Variants in IL1RAPL1 observed in about 807,000 individuals in gnomAD.
The protein encoded by IL1RAPL1 is interleukin 1 receptor accessory protein like 1, also known as interleukin-1 receptor accessory protein-like 1.
Under a neutral mutation model 48.4 loss-of-function variants are expected in IL1RAPL1, and 3 were observed. The observed-to-expected ratio is 0.06, with a 90% CI of 0.03 to 0.16. The LOEUF is 0.16. Ranked by LOEUF, IL1RAPL1 falls within the 10% of genes least tolerant of loss-of-function variation. IL1RAPL1 has a pLI of 1.00. For synonymous variants in IL1RAPL1, 185 were observed against 187.7 expected, an observed-to-expected ratio of 0.99 and a Z score of 0.12; for missense variants, 349 against 530.6, an observed-to-expected ratio of 0.66 and a Z score of 3.36.
At chrX:29,025,336 T>C (rs769638012) in intron 2 of IL1RAPL1, among the ~76,000 whole-genome samples, 1 of 111,730 alleles carries the variant, frequency 9.0e-6, no homozygotes, top group South Asian at 3.8e-4. Flanking sequence ...GTTGAGTCAA[T>C]AGCCTTGATT....
At chrX:29,583,745 G>C (rs1427934306) in intron 5 of IL1RAPL1, among the ~76,000 whole-genome samples, 1 of 101,393 alleles carries the variant, frequency 9.9e-6, no homozygotes, top group Non-Finnish European at 2.0e-5. Context: ...AACCAAAAAA[G>C]AGCCCGCATC....
At chrX:29,360,907 T>A (rs998598691) in intron 3 of IL1RAPL1, among the ~76,000 whole-genome samples, 36 of 112,102 alleles carry the variant, frequency 3.2e-4, no homozygotes, top group African/African-American at 1.2e-3. Flanking sequence ...ATGCTCAAAT[T>A]CTGATACATC....
chrX:29,217,777 TCACACACACACA>T (rs750727005), intron 2 of IL1RAPL1, among the ~76,000 whole-genome samples: 1 of 60,662 alleles, frequency 1.6e-5, no homozygotes, highest in East Asian at 7.9e-4. Context: ...TCTCTCTCTC[TCACACACACACA>T]CACACACACA....
intron 1 of IL1RAPL1, among the ~76,000 whole-genome samples, chrX:28,700,245 A>G (rs1569154139): frequency 9.0e-6 from 1 of 111,124 alleles, no homozygotes; most frequent in Non-Finnish European, 1.9e-5. Context: ...ATGATGTTCT[A>G]TAAGCTGAGA....
At chrX:29,386,173 C>T (rs1268323838) in intron 3 of IL1RAPL1, among the ~76,000 whole-genome samples, 4 of 111,117 alleles carry the variant, frequency 3.6e-5, no homozygotes, top group Non-Finnish European at 7.5e-5. Flanking sequence ...GGATTACAGG[C>T]GCCCACCACC....
chrX:29,134,123 A>G (rs1202939165), intron 2 of IL1RAPL1, among the ~76,000 whole-genome samples: 12 of 111,630 alleles, frequency 1.1e-4, no homozygotes. Flanking sequence ...GGTCGTTTCC[A>G]CCTTTTGGAA....
At chrX:28,943,804 G>A (rs959721372) in intron 2 of IL1RAPL1, among the ~76,000 whole-genome samples, 1 of 110,702 alleles carries the variant, frequency 9.0e-6, no homozygotes, top group Non-Finnish European at 1.9e-5. Context: ...TGAAATGCTG[G>A]TTTATCTTCC....
chrX:29,117,619 C>T (rs1225168460), intron 2 of IL1RAPL1, among the ~76,000 whole-genome samples: 1 of 111,740 alleles, frequency 8.9e-6, no homozygotes, highest in Non-Finnish European at 1.9e-5. Context: ...TTGACATTTA[C>T]CATTTTAAAG....
chrX:29,356,978 G>A (rs2147656776), intron 3 of IL1RAPL1, among the ~76,000 whole-genome samples: 1 of 111,618 alleles, frequency 9.0e-6, no homozygotes, highest in African/African-American at 3.3e-5. Flanking sequence ...GTTTTCAAGA[G>A]TATTCTAGTC....
rs1217762793 is a variant in IL1RAPL1 at position 29,786,663 on chromosome X, G to A, written c.778+118159G>A. Among the ~76,000 whole-genome samples, 6 of 111,979 alleles carry A rather than the reference G, an allele frequency of 5.4e-5. No homozygotes were observed. In the South Asian group the frequency reaches 2.2e-3, roughly 42 times the overall value. On this transcript the variant is annotated intron_variant, in intron 6 of 10. Coordinates refer to ENST00000378993, the MANE Select transcript of IL1RAPL1 (RefSeq NM_014271.4). The stretch of plus-strand genomic sequence containing the variant: ...AAGAAGTAGCAAATAAGCTCGTAAA[G>A]TCTAATAAAAAGAAAGCAGGGAGGC...
At chrX:29,694,990 T>G (rs1926872921) in intron 6 of IL1RAPL1, among the ~76,000 whole-genome samples, 1 of 25,833 alleles carries the variant, frequency 3.9e-5, no homozygotes, top group African/African-American at 1.8e-4. Context: ...CTTCTCCAGG[T>G]GGAGAAATGT....
chrX:29,947,987 G>A (rs1010563508), intron 9 of IL1RAPL1, among the ~76,000 whole-genome samples: 1 of 110,610 alleles, frequency 9.0e-6, no homozygotes, highest in Non-Finnish European at 1.9e-5. Flanking sequence ...ATCCCCTTAA[G>A]ACTTCTGAAT....
In IL1RAPL1 at chrX:29,257,553, C is replaced by T. The variant is rs753183471; in HGVS notation, c.83-25385C>T. 7.0e-4 allele frequency among the ~76,000 whole-genome samples: 78 copies of T among 111,817 alleles called. No homozygotes were observed. The South Asian group carries it at 7.0e-3, about 10-fold the overall frequency. On this transcript the variant is annotated intron_variant, in intron 2 of 10. Coordinates refer to ENST00000378993, the MANE Select transcript of IL1RAPL1 (RefSeq NM_014271.4). ...CAAACTGAAAGAGATAAATCCCTAACGGATGGGATGAGATGTGGGAGTTAG... is the reference window on the plus strand; with the variant it reads ...CAAACTGAAAGAGATAAATCCCTAATGGATGGGATGAGATGTGGGAGTTAG...
intron 5 of IL1RAPL1, among the ~76,000 whole-genome samples, chrX:29,573,119 T>C (rs750461774): frequency 8.9e-6 from 1 of 112,095 alleles, no homozygotes. Flanking sequence ...CCTCACATCA[T>C]GGAAGGACAA....
chrX:28,928,719 A>C (rs956230139), intron 2 of IL1RAPL1, among the ~76,000 whole-genome samples: 1 of 112,295 alleles, frequency 8.9e-6, no homozygotes, highest in African/African-American at 3.2e-5. Flanking sequence ...AAGTAGGAAC[A>C]GTCACTCTCA....
chrX:29,647,563 G>T (rs903065772), intron 5 of IL1RAPL1, among the ~76,000 whole-genome samples: 1 of 110,910 alleles, frequency 9.0e-6, no homozygotes, highest in Non-Finnish European at 1.9e-5. Context: ...GTGTGTGGTC[G>T]AAGTTAAATT....
chrX:29,040,649 AAAAT>A (rs1223558725), intron 2 of IL1RAPL1, among the ~76,000 whole-genome samples: 23 of 112,485 alleles, frequency 2.0e-4, no homozygotes, highest in African/African-American at 6.5e-4. Flanking sequence ...AAAAAGGAAA[AAAAT>A]AAATAAAAAG....
intron 6 of IL1RAPL1, among the ~76,000 whole-genome samples, chrX:29,819,591 A>G (rs908852702): frequency 9.0e-6 from 1 of 110,954 alleles, no homozygotes; most frequent in Non-Finnish European, 1.9e-5. Flanking sequence ...AATTGTCAGT[A>G]TGTAATTATT....
intron 6 of IL1RAPL1, among the ~76,000 whole-genome samples, chrX:29,788,826 A>G (rs1215254427): frequency 1.8e-5 from 2 of 112,024 alleles, no homozygotes; most frequent in Non-Finnish European, 3.8e-5. Context: ...TCAAACCAAA[A>G]TCTTTATCAG....
Sources: allele counts gnomAD v4.1 joint callset (sites outside exome capture counted in the v4.1 genomes callset), GRCh38; gene constraint gnomAD v4.1.1; transcripts MANE v1.5; gene names NCBI Gene and HGNC (gene_info 2026-07-23, HGNC 2026-07-21).